The following ERBB4 variants were observed in gnomAD, a reference collection of about 807,000 sequenced individuals.
ERBB4 encodes receptor tyrosine-protein kinase erbB-4.
In ERBB4, 42 loss-of-function variants were observed where a neutral mutation model predicts 158.0. The ratio of observed to expected loss-of-function variants is 0.27; its 90% CI spans 0.21 to 0.34. The LOEUF (loss-of-function observed/expected upper bound fraction) is 0.34, where lower values mean the gene tolerates loss of function less well. Ranked by LOEUF, ERBB4 falls within the 10% of genes least tolerant of loss-of-function variation. The probability of loss-of-function intolerance (pLI) is 1.00; values close to 1 mark genes in which losing one functional copy is unlikely to be tolerated. For missense variants in ERBB4, 1,333 were observed against 1,624.1 expected, an observed-to-expected ratio of 0.82 and a Z score of 3.08; for synonymous variants, 583 against 558.7, an observed-to-expected ratio of 1.04 and a Z score of -0.61.
intron 20 of ERBB4, among the ~76,000 whole-genome samples, chr2:211,543,680 A>G (rs190365652): frequency 1.3e-5 from 2 of 152,048 alleles, no homozygotes; most frequent in East Asian, 1.9e-4. Flanking sequence ...TTTGTATCAC[A>G]GTCCATAGGA....
chr2:212,246,445 T>G (rs1248430209), intron 1 of ERBB4, among the ~76,000 whole-genome samples: 1 of 152,226 alleles, frequency 6.6e-6, no homozygotes, highest in East Asian at 1.9e-4. Context: ...GCATTCCATT[T>G]ATTTATTCAA....
chr2:211,735,529 C>A (rs575603637), intron 5 of ERBB4, among the ~76,000 whole-genome samples: 1 of 152,112 alleles, frequency 6.6e-6, no homozygotes, highest in Admixed American at 6.5e-5. Flanking sequence ...TGATCAAACA[C>A]GTGTCTGCAT....
At chr2:211,726,391 C>T (rs1209537301) in intron 5 of ERBB4, among the ~76,000 whole-genome samples, 1 of 152,086 alleles carries the variant, frequency 6.6e-6, no homozygotes, top group Non-Finnish European at 1.5e-5. Context: ...CTACAGAAGT[C>T]CCCATTTTGA....
intron 12 of ERBB4, among the ~76,000 whole-genome samples, chr2:211,689,329 G>A (rs1274652676): frequency 6.6e-6 from 1 of 152,044 alleles, no homozygotes; most frequent in Non-Finnish European, 1.5e-5. Flanking sequence ...CAAGTAGCTT[G>A]GACTAAAGGT....
chr2:211,416,856 CTGCG>C (rs1216952522), intron 25 of ERBB4, among the ~76,000 whole-genome samples: 1 of 149,868 alleles, frequency 6.7e-6, no homozygotes, highest in African/African-American at 2.5e-5. Context: ...TCCCACTCCT[CTGCG>C]GGCCTTTAAG....
chr2:212,393,226 T>G (rs2090929625), intron 1 of ERBB4, among the ~76,000 whole-genome samples: 2 of 152,080 alleles, frequency 1.3e-5, no homozygotes, highest in Admixed American at 1.3e-4. Context: ...ATCTGTTTTA[T>G]AAAAGTTCCA....
At chr2:212,130,472 T>G (rs1340669985) in intron 1 of ERBB4, among the ~76,000 whole-genome samples, 1 of 152,118 alleles carries the variant, frequency 6.6e-6, no homozygotes, top group African/African-American at 2.4e-5. Context: ...ATAAAAAGGT[T>G]GGTTAACAGT....
At chr2:211,874,510 A>C (rs1210989463) in intron 3 of ERBB4, among the ~76,000 whole-genome samples, 1 of 152,180 alleles carries the variant, frequency 6.6e-6, no homozygotes, top group Non-Finnish European at 1.5e-5. Flanking sequence ...GGGTGAAGGT[A>C]ATATCTCCTT....
At chr2:211,521,942 T>C (rs1014354984) in intron 20 of ERBB4, among the ~76,000 whole-genome samples, 4 of 152,132 alleles carry the variant, frequency 2.6e-5, no homozygotes, top group Non-Finnish European at 5.9e-5. Context: ...CCAAGTATAA[T>C]GGCTAATTGA....
intron 1 of ERBB4, among the ~76,000 whole-genome samples, chr2:212,206,114 A>G (rs765610686): frequency 6.6e-6 from 1 of 152,110 alleles, no homozygotes; most frequent in African/African-American, 2.4e-5. Context: ...CCCAGTTTTT[A>G]TATGGCCCTG....
intron 20 of ERBB4, among the ~76,000 whole-genome samples, chr2:211,504,730 TGAAAGTAGA>T (rs2065702252): frequency 6.6e-6 from 1 of 151,964 alleles, no homozygotes; most frequent in Non-Finnish European, 1.5e-5. Context: ...ATTCAGAAGA[TGAAAGTAGA>T]GATAAATATA....
At chr2:212,445,019 A>G (rs1441982718) in intron 1 of ERBB4, among the ~76,000 whole-genome samples, 1 of 151,614 alleles carries the variant, frequency 6.6e-6, no homozygotes, top group Non-Finnish European at 1.5e-5. Flanking sequence ...TCCACAAAGC[A>G]TTGTCTCTGA....
chr2:211,598,676 C>T (rs1426260519), intron 19 of ERBB4, among the ~76,000 whole-genome samples: 1 of 152,150 alleles, frequency 6.6e-6, no homozygotes, highest in Non-Finnish European at 1.5e-5. Flanking sequence ...CATTGGAATA[C>T]TCCTATTTAT....
intron 21 of ERBB4, 73 bp downstream of exon 21, chr2:211,430,872 G>T: frequency 7.6e-7 from 1 of 1,322,024 alleles, no homozygotes; most frequent in Non-Finnish European, 1.1e-6. Flanking sequence ...TTGGTTTCTT[G>T]TATAAAATAT....
At chr2:212,215,282 A>T (rs889397465) in intron 1 of ERBB4, among the ~76,000 whole-genome samples, 3 of 150,710 alleles carry the variant, frequency 2.0e-5, no homozygotes, top group African/African-American at 7.4e-5. Flanking sequence ...TAAATCACAT[A>T]TATTTGTCAC....
chr2:211,761,012 T>C (rs954410657), intron 4 of ERBB4, among the ~76,000 whole-genome samples: 1 of 151,862 alleles, frequency 6.6e-6, no homozygotes, highest in African/African-American at 2.4e-5. Context: ...CTGGTCAACA[T>C]AGTGAAACCC....
intron 3 of ERBB4, among the ~76,000 whole-genome samples, chr2:211,850,090 T>C (rs937826377): frequency 6.6e-6 from 1 of 152,020 alleles, no homozygotes; most frequent in African/African-American, 2.4e-5. Flanking sequence ...GCTGTTTGCA[T>C]AGAACCATAT....
intron 2 of ERBB4, among the ~76,000 whole-genome samples, chr2:212,080,688 A>C (rs920901359): frequency 6.6e-6 from 1 of 151,894 alleles, no homozygotes; most frequent in Non-Finnish European, 1.5e-5. Flanking sequence ...AAAAAAAAAA[A>C]AAAAAACCTC....
At chr2:212,227,018 G>A (rs62182606) in intron 1 of ERBB4, among the ~76,000 whole-genome samples, 24,455 of 152,074 alleles carry the variant, frequency 0.16, 2,386 homozygotes, top group Non-Finnish European at 0.21. Flanking sequence ...GGCCGAGGCT[G>A]GCAGAACGCT....
Sources: allele counts gnomAD v4.1 joint callset (sites outside exome capture counted in the v4.1 genomes callset), GRCh38; gene constraint gnomAD v4.1.1; transcripts MANE v1.5; gene names NCBI Gene and HGNC (gene_info 2026-07-23, HGNC 2026-07-21).